Variants in SLC39A11 observed in about 807,000 individuals in gnomAD.
SLC39A11 encodes solute carrier family 39 member 11.
SLC39A11 carries 33 observed loss-of-function variants against 36.1 expected under a neutral mutation model. The observed-to-expected ratio is 0.91, with a 90% CI of 0.69 to 1.22. The LOEUF is 1.22. Among genes scored for constraint, SLC39A11 ranks in the 50% most tolerant of loss-of-function variants. The probability of loss-of-function intolerance (pLI) is 0.00; values close to 1 mark genes in which losing one functional copy is unlikely to be tolerated. For synonymous variants in SLC39A11, 166 were observed against 170.3 expected (o/e 0.97, Z 0.20); for missense variants, 432 against 430.3 (o/e 1.00, Z -0.03).
At chr17:72,879,781 C>T (rs1368946144) in intron 5 of SLC39A11, among the ~76,000 whole-genome samples, 6 of 152,212 alleles carry the variant, frequency 3.9e-5, no homozygotes, top group Non-Finnish European at 8.8e-5. Flanking sequence ...TCACCCTAGA[C>T]CTTTTTACCC....
At chr17:72,692,187 A>G (rs902920657) in intron 7 of SLC39A11, among the ~76,000 whole-genome samples, 1 of 151,750 alleles carries the variant, frequency 6.6e-6, no homozygotes, top group African/African-American at 2.4e-5. Context: ...AATTTTTTGT[A>G]TTTTTAGTAG....
chr17:72,735,819 A>T (rs2074404296), intron 7 of SLC39A11, among the ~76,000 whole-genome samples: 2 of 152,180 alleles, frequency 1.3e-5, no homozygotes, highest in African/African-American at 2.4e-5. Flanking sequence ...AGAGAACAGC[A>T]TGTGATCCCA....
chr17:73,045,623 A>G (rs1481935985), intron 3 of SLC39A11, among the ~76,000 whole-genome samples: 2 of 152,036 alleles, frequency 1.3e-5, no homozygotes, highest in Non-Finnish European at 2.9e-5. Flanking sequence ...TTTGAGTTCA[A>G]TGTTCCTCTT....
chr17:72,850,893 T>C (rs902747387), intron 5 of SLC39A11, among the ~76,000 whole-genome samples: 6 of 152,180 alleles, frequency 3.9e-5, no homozygotes, highest in African/African-American at 1.4e-4. Flanking sequence ...CACACTGATT[T>C]ATGGGAACCA....
intron 7 of SLC39A11, among the ~76,000 whole-genome samples, chr17:72,716,240 T>C (rs75709180): frequency 0.01 from 1,594 of 152,098 alleles, 15 homozygotes; most frequent in African/African-American, 0.036. Flanking sequence ...AATGAAAACC[T>C]GACGACCTAT....
chr17:73,004,229 A>G (rs1307227863), intron 4 of SLC39A11, among the ~76,000 whole-genome samples: 2 of 114,330 alleles, frequency 1.7e-5, no homozygotes, highest in South Asian at 5.4e-4. Context: ...GAAAGAAAGA[A>G]AGAAAAGAAA....
intron 5 of SLC39A11, among the ~76,000 whole-genome samples, chr17:72,906,688 A>G (rs76050996): frequency 0.013 from 1,963 of 152,360 alleles, 54 homozygotes; most frequent in African/African-American, 0.042. Context: ...ACAAATCAGC[A>G]TAACATCCAC....
intron 4 of SLC39A11, among the ~76,000 whole-genome samples, chr17:73,007,740 G>C (rs959584916): frequency 6.6e-6 from 1 of 152,186 alleles, no homozygotes; most frequent in Non-Finnish European, 1.5e-5. Flanking sequence ...AAGGGAAAAA[G>C]AGGAAAAAGG....
intron 3 of SLC39A11, among the ~76,000 whole-genome samples, chr17:73,035,226 C>T (rs1161963182): frequency 6.6e-6 from 1 of 152,194 alleles, no homozygotes; most frequent in African/African-American, 2.4e-5. Flanking sequence ...CCTCCATCTC[C>T]GCCTCCCAGG....
chr17:73,037,619 G>A (rs2058965280), intron 3 of SLC39A11, among the ~76,000 whole-genome samples: 2 of 152,244 alleles, frequency 1.3e-5, no homozygotes, highest in Non-Finnish European at 2.9e-5. Context: ...GGCTAACAGG[G>A]CCATCGCTGA....
At chr17:73,089,781 C>G (rs1017866113) in intron 1 of SLC39A11, 1 of 152,194 alleles carries the variant, frequency 6.6e-6, no homozygotes, top group Non-Finnish European at 1.5e-5. Context: ...GTCAACTCAG[C>G]ACCCTGCTGC....
intron 5 of SLC39A11, among the ~76,000 whole-genome samples, chr17:72,942,357 G>A (rs904101345): frequency 2.0e-5 from 3 of 152,108 alleles, no homozygotes; most frequent in Middle Eastern, 3.2e-3. Flanking sequence ...ATAAAACTCT[G>A]ATTGCCAAAA....
intron 5 of SLC39A11, among the ~76,000 whole-genome samples, chr17:72,895,641 A>G (rs1430256752): frequency 6.6e-6 from 1 of 151,956 alleles, no homozygotes; most frequent in Non-Finnish European, 1.5e-5. Context: ...TGTTTATATC[A>G]AGAAGAGCCT....
intron 5 of SLC39A11, 93 bp downstream of exon 5, chr17:72,947,659 C>G (rs1406633403): frequency 1.1e-5 from 18 of 1,573,098 alleles, no homozygotes; most frequent in Non-Finnish European, 1.6e-5. Context: ...ATTTCTCTCA[C>G]TATTCATCCT....
intron 6 of SLC39A11, among the ~76,000 whole-genome samples, chr17:72,739,897 C>T (rs2074600376): frequency 6.6e-6 from 1 of 152,134 alleles, no homozygotes; most frequent in Admixed American, 6.6e-5. Flanking sequence ...AGAAATGTTA[C>T]TAATAGTCTA....
intron 3 of SLC39A11, among the ~76,000 whole-genome samples, chr17:73,038,740 A>AAAGGAGGGAGG (rs1177314903): frequency 1.3e-4 from 16 of 121,304 alleles, no homozygotes; most frequent in African/African-American, 4.6e-4. Flanking sequence ...AGAGAGAAAG[A>AAAGGAGGGAGG]AAGGAGGGAG....
chr17:72,665,312 C>A (rs924203731), intron 7 of SLC39A11, among the ~76,000 whole-genome samples: 3 of 151,070 alleles, frequency 2.0e-5, no homozygotes, highest in Non-Finnish European at 4.4e-5. Flanking sequence ...GACCACTCAG[C>A]AAAACCACTC....
At chr17:72,902,272 C>T (rs1008460679) in intron 5 of SLC39A11, among the ~76,000 whole-genome samples, 42 of 143,592 alleles carry the variant, frequency 2.9e-4, no homozygotes, top group Admixed American at 3.5e-4. Flanking sequence ...GCTCTGTCTC[C>T]AAAAAAAATA....
chr17:72,930,646 T>C (rs2084330960), intron 5 of SLC39A11, among the ~76,000 whole-genome samples: 2 of 152,190 alleles, frequency 1.3e-5, no homozygotes, highest in Admixed American at 1.3e-4. Context: ...GATGAGGGGC[T>C]GAAGGATTGT....
Sources: gnomAD v4.1 joint callset for allele counts (sites outside exome capture counted in the v4.1 genomes callset) on GRCh38, gnomAD v4.1.1 for gene constraint, MANE v1.5 for transcripts, NCBI Gene and HGNC (gene_info 2026-07-23, HGNC 2026-07-21) for gene names.